The following CDC6 variants were observed in gnomAD, a reference collection of about 807,000 sequenced individuals.
CDC6 encodes cell division cycle 6, also known as DNA replication factor CDC6.
Under a neutral mutation model 60.2 loss-of-function variants are expected in CDC6, and 46 were observed. The ratio of observed to expected loss-of-function variants is 0.76; its 90% confidence interval spans 0.60 to 0.98. The LOEUF (loss-of-function observed/expected upper bound fraction) is 0.98, where lower values mean the gene tolerates loss of function less well. CDC6 is among the 50% of genes least tolerant of loss of function. CDC6 has a pLI of 0.00. For synonymous variants in CDC6, 210 were observed against 233.2 expected (o/e 0.90, Z 0.90); for missense variants, 596 against 652.9 (o/e 0.91, Z 0.95).
chr17:40,300,836 C>A lies in CDC6; in HGVS notation c.1258C>A (p.Pro420Thr), dbSNP rs748448453. 1 of 1,613,172 alleles carries A rather than the reference C, an allele frequency of 6.2e-7. No homozygotes were observed. The highest frequency in any genetic ancestry group is 8.5e-7 in the Non-Finnish European group (1 of 1,179,136). Reference sequence around the variant, plus strand: ...GCTTATTTACTTTATAGGTAAATCACCTTCTGAGCCTCTGATTCCCAAGAG... The same window carrying A: ...GCTTATTTACTTTATAGGTAAATCAACTTCTGAGCCTCTGATTCCCAAGAG... ...ILKPLSECKS[P>T]SEPLIPKRVG... Residue 420 changes from proline (P) to threonine (T), a missense_variant, in exon 10 of 12, where the codon CCT (proline) becomes ACT (threonine). Physicochemically the swap from Pro to Thr is conservative, Grantham distance 38. Coordinates refer to ENST00000209728, the MANE Select transcript of CDC6 (RefSeq NM_001254.4).
rs1403791294 is a variant in CDC6 at position 40,293,853 on chromosome 17, G to A, written c.837-97G>A. On this transcript the variant is annotated intron_variant, in intron 5 of 11. Transcript: ENST00000209728. ...TAGGTTAGATTATGATCTTTAAACT[G>A]GTCTCAGCTTTAGGAAAGTGACCTG... 3 of 1,068,676 alleles carry A rather than the reference G, an allele frequency of 2.8e-6. No homozygotes were observed. The African/African-American group carries it at 4.6e-5, about 17-fold the overall frequency. 66.2% of individuals were successfully genotyped at this position (1,068,676 alleles called of 1,614,324 possible).
intron 4 of CDC6, among the ~76,000 whole-genome samples, chr17:40,293,194 G>A (rs1429129149): frequency 6.6e-6 from 1 of 152,078 alleles, no homozygotes; most frequent in South Asian, 2.1e-4. Context: ...AGTTGAGATT[G>A]TGGCATTGCA....
intron 7 of CDC6, 71 bp downstream of exon 7, chr17:40,294,574 T>C: frequency 6.9e-7 from 1 of 1,459,408 alleles, no homozygotes; most frequent in South Asian, 1.1e-5. Context: ...TAACAATAGT[T>C]CTAAAATATT....
intron 8 of CDC6, among the ~76,000 whole-genome samples, chr17:40,296,093 G>C (rs921996199): frequency 6.6e-6 from 1 of 152,180 alleles, no homozygotes; most frequent in Non-Finnish European, 1.5e-5. Flanking sequence ...ACTTTGGAGA[G>C]AGCAGTGGGA....
intron 2 of CDC6, among the ~76,000 whole-genome samples, 196 bp downstream of exon 2, chr17:40,289,794 C>T (rs545436646): frequency 6.6e-5 from 10 of 150,492 alleles, no homozygotes; most frequent in Admixed American, 2.6e-4. Context: ...CTGCAACCTC[C>T]GCCTCCTGGG....
At chr17:40,297,282 T>G (rs1403206416) in intron 9 of CDC6, among the ~76,000 whole-genome samples, 1 of 151,854 alleles carries the variant, frequency 6.6e-6, no homozygotes, top group Non-Finnish European at 1.5e-5. Context: ...ACAAAAAATT[T>G]TAAAAATTTT....
chr17:40,301,083 C>A, intron 10 of CDC6, 53 bp downstream of exon 10: 1 of 1,271,456 alleles, frequency 7.9e-7, no homozygotes, highest in Non-Finnish European at 1.2e-6. Flanking sequence ...ATCTGCTTTG[C>A]AGAGCAGGTA....
chr17:40,294,897 G>A (rs375940181), intron 7 of CDC6, among the ~76,000 whole-genome samples: 3 of 151,976 alleles, frequency 2.0e-5, no homozygotes, highest in African/African-American at 7.3e-5. Context: ...GCTAATTGTT[G>A]TATTTTTAGT....
chr17:40,301,972 G>A lies in CDC6; in HGVS notation c.1654G>A (p.Gly552Arg). 6.3e-7 allele frequency: 1 copy of A among 1,594,116 alleles called. No individual in the cohort carries two copies. Among genetic ancestry groups the A allele is most frequent in the Non-Finnish European group, 8.6e-7 (1 of 1,161,898 alleles). Residue 552 changes from glycine (G) to arginine (R), a missense_variant, in exon 12 of 12, where the codon GGA becomes AGA. Physicochemically the swap from Gly to Arg is moderately radical, Grantham distance 125. Coordinates refer to ENST00000209728, the MANE Select transcript of CDC6 (RefSeq NM_001254.4). ...TGCTCTGAAAGATAAAGCTTTAATT[G>A]GAAATATCTTAGCTACTGGATTGCC... ...EHALKDKALI[G>R]NILATGLP is the part of the protein sequence containing the mutation.
Position 40,302,094 on chromosome 17 carries a change from C to CAA in CDC6, c.*95_*96dup. 1 of 791,848 alleles carries CAA rather than the reference C, an allele frequency of 1.3e-6. No individual in the cohort carries two copies. The highest frequency in any genetic ancestry group is 2.3e-6 in the Non-Finnish European group (1 of 436,980). The allele number at this position is 791,848 out of a possible 1,614,324, so 49.1% of individuals were successfully genotyped here. ...TGCTTTACACATTCGGGCCTGAAAA[C>CAA]AAATATGACCTTTTTTACTTGAAGC... On this transcript the variant is annotated 3_prime_UTR_variant, in exon 12 of 12. Transcript: ENST00000209728.
chr17:40,300,693 T>TA (rs2032926460), intron 9 of CDC6, 135 bp from the exon 10 acceptor site: 1 of 779,960 alleles, frequency 1.3e-6, no homozygotes, highest in South Asian at 1.4e-5. Context: ...GTTAGAGATT[T>TA]AAAACCTCTG....
rs1303252945 is a variant in CDC6 at position 40,291,456 on chromosome 17, A to G, written c.461-13A>G. 8 of 1,614,026 alleles carry G rather than the reference A, an allele frequency of 5.0e-6. No homozygotes were observed. The highest frequency in any genetic ancestry group is 2.2e-5 in the South Asian group (2 of 91,054). On this transcript the variant is annotated splice_polypyrimidine_tract_variant and intron_variant, in intron 3 of 11. Coordinates refer to ENST00000209728, the MANE Select transcript of CDC6 (RefSeq NM_001254.4). ...TTCTGTTGTGTCTAATTGACCTTTT[A>G]TGTCTGGCACAGGCACTTGCTACCA...
At position 40,300,873 on chromosome 17, in the gene CDC6, T is replaced by C. The variant is rs370140805; in HGVS notation, c.1295T>C (p.Ile432Thr). Residue 432 changes from isoleucine to threonine, a missense_variant, in exon 10 of 12, where the codon ATT becomes ACT. Ile to Thr is a moderately conservative substitution (Grantham distance 89, BLOSUM62 -1). Coordinates refer to ENST00000209728, the MANE Select transcript of CDC6 (RefSeq NM_001254.4). Reference sequence around the variant, plus strand: ...CTGATTCCCAAGAGGGTTGGTCTTATTCACATATCCCAAGTCATCTCAGAA... The same window carrying C: ...CTGATTCCCAAGAGGGTTGGTCTTACTCACATATCCCAAGTCATCTCAGAA... The part of the protein sequence containing the change: ...EPLIPKRVGL[I>T]HISQVISEVD... 6.2e-7 allele frequency: 1 copy of C among 1,614,186 alleles called. No individual in the cohort carries two copies. The highest frequency in any genetic ancestry group is 8.5e-7 in the Non-Finnish European group (1 of 1,180,010).
chr17:40,301,520 A>G lies in CDC6; in HGVS notation c.1505A>G (p.Asp502Gly). The change falls in exon 11 of 12, where the codon GAC (aspartate) becomes GGC (glycine). Residue 502 changes from aspartate to glycine, a missense_variant. Asp to Gly is a moderately conservative substitution (Grantham distance 94). Transcript: ENST00000209728. ...CGCAAACAGCAGGTGGCGGCTGTGGACCAGTCAGAGTGTTTGTCACTTTCA... is the reference window on the plus strand; with the variant it reads ...CGCAAACAGCAGGTGGCGGCTGTGGGCCAGTCAGAGTGTTTGTCACTTTCA... ...VCRKQQVAAV[D>G]QSECLSLSGL... 1 of 1,613,806 alleles carries G rather than the reference A, an allele frequency of 6.2e-7. No homozygotes were observed. Among genetic ancestry groups the G allele is most frequent in the Non-Finnish European group, 8.5e-7 (1 of 1,179,684 alleles).
rs746295385 is a variant in CDC6 at position 40,293,496 on chromosome 17, T to C, written c.701T>C (p.Met234Thr). ...KGFKTIMLNCMSLRTAQAVFP... is the reference protein window; with the variant it reads ...KGFKTIMLNCTSLRTAQAVFP... Reference sequence around the variant, plus strand: ...TTTAAAACTATCATGCTGAATTGCATGTCCTTGAGGACTGCCCAGGCTGTA... The same window carrying C: ...TTTAAAACTATCATGCTGAATTGCACGTCCTTGAGGACTGCCCAGGCTGTA... Residue 234 changes from methionine (M) to threonine (T), a missense_variant, in exon 5 of 12, where the codon ATG becomes ACG. Coordinates refer to ENST00000209728, the MANE Select transcript of CDC6 (RefSeq NM_001254.4). 6.2e-7 allele frequency: 1 copy of C among 1,614,136 alleles called. No homozygotes were observed.
rs755184825 is a variant in CDC6, at chr17:40,300,827, G to A, written c.1250-1G>A. On this transcript the variant is annotated splice_acceptor_variant, in intron 9 of 11. Coordinates refer to ENST00000209728, the MANE Select transcript of CDC6 (RefSeq NM_001254.4). LOFTEE classifies it high-confidence loss of function. ...TTAAGCTTGGCTTATTTACTTTATA[G>A]GTAAATCACCTTCTGAGCCTCTGAT... is the stretch of plus-strand genomic sequence containing the variant. 6.2e-7 allele frequency: 1 copy of A among 1,609,914 alleles called. No individual in the cohort carries two copies. The highest frequency in any genetic ancestry group is 8.5e-7 in the Non-Finnish European group (1 of 1,176,204).
intron 9 of CDC6, among the ~76,000 whole-genome samples, chr17:40,300,300 A>G (rs1403759024): frequency 2.0e-5 from 3 of 152,052 alleles, no homozygotes; most frequent in East Asian, 3.9e-4. Context: ...CACAGTCACC[A>G]TCTTTGCTTC....
intron 1 of CDC6, 125 bp from the exon 2 acceptor site, chr17:40,289,282 TA>T: frequency 1.2e-6 from 1 of 835,868 alleles, no homozygotes; most frequent in Non-Finnish European, 2.0e-6. Flanking sequence ...AAGTGAATGC[TA>T]AAATAAGTGT....
chr17:40,288,025 G>A lies in CDC6; in HGVS notation c.-79G>A, dbSNP rs2032689315. 2 of 154,048 alleles carry A rather than the reference G, an allele frequency of 1.3e-5. No individual in the cohort carries two copies. Among genetic ancestry groups the A allele is most frequent in the South Asian group, 2.0e-4 (1 of 4,910 alleles). 9.5% of individuals were successfully genotyped at this position (154,048 alleles called of 1,614,324 possible). A position where few individuals can be genotyped will look rare whatever the true frequency, so the allele number is the denominator to read the frequency against. On this transcript the variant is annotated 5_prime_UTR_variant, in exon 1 of 12. Coordinates refer to ENST00000209728, the MANE Select transcript of CDC6 (RefSeq NM_001254.4). ...GGAGGTGGAAAGAAGAGGATTGCTC[G>A]AGGAGGCCTGGGGTCTGTGAGGCAG...
Sources: gnomAD v4.1 joint callset for allele counts (sites outside exome capture counted in the v4.1 genomes callset) on GRCh38, gnomAD v4.1.1 for gene constraint, MANE v1.5 for transcripts, NCBI Gene and HGNC (gene_info 2026-07-23, HGNC 2026-07-21) for gene names.